The following PCDHGA6 variants were observed in gnomAD, a reference collection of about 807,000 sequenced individuals.
PCDHGA6 encodes protocadherin gamma-A6.
Under a neutral mutation model 60.6 loss-of-function variants are expected in PCDHGA6, and 41 were observed. That is an observed-to-expected ratio of 0.68 (90% CI 0.53 to 0.88). The LOEUF (loss-of-function observed/expected upper bound fraction) is 0.88. PCDHGA6 is among the 40% of genes least tolerant of loss of function. PCDHGA6 has a pLI of 0.00. For missense variants in PCDHGA6, 1,312 were observed against 1,203.0 expected, an observed-to-expected ratio of 1.09 and a Z score of -1.34; for synonymous variants, 594 against 524.4, an observed-to-expected ratio of 1.13 and a Z score of -1.81.
chr5:141,428,658 T>G (rs932328483), intron 1 of PCDHGA6: 1 of 165,620 alleles, frequency 6.0e-6, no homozygotes, highest in Non-Finnish European at 1.3e-5. Flanking sequence ...TGAGTTCCAA[T>G]GAATGTCTTT....
chr5:141,388,521 ACTGC>A, intron 1 of PCDHGA6: 1 of 1,613,840 alleles, frequency 6.2e-7, no homozygotes, highest in Non-Finnish European at 8.5e-7. Context: ...CTTGACTTTG[ACTGC>A]CTTGGACTTT....
At chr5:141,450,675 C>T (rs377412699) in intron 1 of PCDHGA6, among the ~76,000 whole-genome samples, 3 of 151,614 alleles carry the variant, frequency 2.0e-5, no homozygotes, top group South Asian at 4.2e-4. Flanking sequence ...TTAGTAGAAA[C>T]GGGGTTTTGC....
chr5:141,383,097 C>T, intron 1 of PCDHGA6: 1 of 1,613,998 alleles, frequency 6.2e-7, no homozygotes, highest in Non-Finnish European at 8.5e-7. Context: ...GAGTCCGCAT[C>T]ATCTCCAGAG....
intron 1 of PCDHGA6, chr5:141,394,148 T>C (rs2092927771): frequency 6.2e-7 from 1 of 1,613,768 alleles, no homozygotes; most frequent in African/African-American, 1.3e-5. Context: ...TGGCAGACAT[T>C]AACGACAACC....
In PCDHGA6 at chr5:141,388,120, C is replaced by G. The variant is rs945677635; in HGVS notation, c.2424+11613C>G. The G allele has an allele frequency of 2.8e-6, 4 of 1,422,500 alleles. No homozygotes were observed. The African/African-American group carries it at 5.8e-5, about 20-fold the overall frequency. 88.1% of individuals were successfully genotyped at this position (1,422,500 alleles called of 1,614,324 possible). On this transcript the variant is annotated intron_variant, in intron 1 of 3. Coordinates refer to ENST00000517434, the MANE Select transcript of PCDHGA6 (RefSeq NM_018919.3). ...GAGAAGCCTTACTTCACCGTGAGCG[C>G]AGAGAGCGGGGAGTTGCTTGTGAGC...
chr5:141,418,299 G>C lies in PCDHGA6; in HGVS notation c.2424+41792G>C, dbSNP rs767901461. 5 of 1,614,046 alleles carry C rather than the reference G, an allele frequency of 3.1e-6. No individual in the cohort carries two copies. In the Admixed American group the frequency reaches 8.3e-5, roughly 27 times the overall value. On this transcript the variant is annotated intron_variant, in intron 1 of 3. Coordinates refer to ENST00000517434, the MANE Select transcript of PCDHGA6 (RefSeq NM_018919.3). ...AACTTAGAAATCAGTGAATCCGTCA[G>C]CCTGGGGATGGGAACAATTCTTGAG...
chr5:141,475,870 C>CAGTT, intron 1 of PCDHGA6: 1 of 511,190 alleles, frequency 2.0e-6, no homozygotes, highest in East Asian at 3.3e-5. Context: ...ATTCTTCGTG[C>CAGTT]AGTTATTGGC....
rs754178145 is a variant in PCDHGA6 at position 141,489,423 on chromosome 5, C to G, written c.2425-5384C>G. On this transcript the variant is annotated intron_variant, in intron 1 of 3. Transcript: ENST00000517434. The surrounding 1 kb of genome is among the most constrained non-coding windows in gnomAD (Gnocchi z 4.5). ...GCTTAAAGATGACAGATCTGTTGAG[C>G]CGGCGGCTGCAATTGGGCTCTGAGG... 3 of 1,614,098 alleles carry G rather than the reference C, an allele frequency of 1.9e-6. No individual in the cohort carries two copies. The highest frequency in any genetic ancestry group is 1.7e-5 in the Admixed American group (1 of 60,020).
intron 1 of PCDHGA6, chr5:141,424,465 A>G (rs564844819): frequency 1.3e-5 from 2 of 152,146 alleles, no homozygotes; most frequent in Admixed American, 6.5e-5. Context: ...ATTTCCTTTT[A>G]TTCTTTTACT....
chr5:141,405,638 CT>C lies in PCDHGA6; in HGVS notation c.2424+29132del. ...TACAGGCACGTGCCACCACGCCCGG[CT>C]AATTTTTTGTGTGTTTTTAGTAGAG... is the stretch of plus-strand genomic sequence containing the variant. On this transcript the variant is annotated intron_variant, in intron 1 of 3. Coordinates refer to ENST00000517434, the MANE Select transcript of PCDHGA6 (RefSeq NM_018919.3). 3 of 528,680 alleles carry C rather than the reference CT, an allele frequency of 5.7e-6. No individual in the cohort carries two copies. The East Asian group carries it at 9.4e-5, about 17-fold the overall frequency. 32.7% of individuals were successfully genotyped at this position (528,680 alleles called of 1,614,324 possible).
chr5:141,400,236 G>C (rs1195592972), intron 1 of PCDHGA6: 6 of 1,613,868 alleles, frequency 3.7e-6, no homozygotes, highest in African/African-American at 1.3e-5. Flanking sequence ...TCCTGGCCGT[G>C]ATTCTGGCCG....
rs764039295 is a variant in PCDHGA6 at position 141,374,747 on chromosome 5, C to T, written c.664C>T (p.Arg222Cys). The T allele has an allele frequency of 3.7e-6, 6 of 1,612,022 alleles. No homozygotes were observed. Among genetic ancestry groups the T allele is most frequent in the East Asian group, 4.5e-5 (2 of 44,822 alleles). Residue 222 changes from arginine to cysteine, a missense_variant, in exon 1 of 4, where the codon CGC (arginine) becomes TGC (cysteine). By Grantham distance (180) the Arg-to-Cys change is radical. Transcript: ENST00000517434. ...TGCCATGGATGGCGGCGACCCTGTC[C>T]GCTCAAGCGTCGCCCAAATTCTGGT... is the stretch of plus-strand genomic sequence containing the variant. ...LTAMDGGDPV[R>C]SSVAQILVTV...
chr5:141,383,537 C>G, intron 1 of PCDHGA6: 2 of 1,612,570 alleles, frequency 1.2e-6, no homozygotes, highest in Non-Finnish European at 1.7e-6. Context: ...CTGGTCCTCA[C>G]AGCCTCTGAT....
At chr5:141,455,920 C>A (rs941360102) in intron 1 of PCDHGA6, among the ~76,000 whole-genome samples, 1 of 147,944 alleles carries the variant, frequency 6.8e-6, no homozygotes, top group Non-Finnish European at 1.5e-5. Flanking sequence ...TATTTTGAGA[C>A]GGAGTCTCGC....
At chr5:141,453,240 A>G (rs1470706774) in intron 1 of PCDHGA6, among the ~76,000 whole-genome samples, 1 of 152,020 alleles carries the variant, frequency 6.6e-6, no homozygotes, top group African/African-American at 2.4e-5. Context: ...CAGCCTCCCA[A>G]ATAGCTGGGG....
intron 1 of PCDHGA6, chr5:141,384,968 C>T (rs1345751127): frequency 1.2e-6 from 2 of 1,613,962 alleles, no homozygotes; most frequent in East Asian, 2.2e-5. Context: ...TATGACCTCA[C>T]GTTGTACCTG....
intron 1 of PCDHGA6, chr5:141,422,968 C>A (rs766010601): frequency 6.2e-7 from 1 of 1,614,240 alleles, no homozygotes; most frequent in Non-Finnish European, 8.5e-7. Context: ...GCTGGCGCCC[C>A]GCTCTGCGGA....
chr5:141,383,738 C>A (rs1779431322), intron 1 of PCDHGA6: 3 of 1,614,006 alleles, frequency 1.9e-6, no homozygotes, highest in Admixed American at 3.3e-5. Context: ...GTGACATATT[C>A]TTTTCGGAAA....
intron 1 of PCDHGA6, among the ~76,000 whole-genome samples, chr5:141,402,158 G>A (rs1276790302): frequency 2.0e-5 from 3 of 151,990 alleles, no homozygotes; most frequent in Non-Finnish European, 2.9e-5. Context: ...AATATTAGGC[G>A]AGAACATCTG....
Sources: allele counts gnomAD v4.1 joint callset (sites outside exome capture counted in the v4.1 genomes callset), GRCh38; gene constraint gnomAD v4.1.1; non-coding constraint Gnocchi (gnomAD v3.1); transcripts MANE v1.5; gene names NCBI Gene and HGNC (gene_info 2026-07-23, HGNC 2026-07-21).